KDM4C: variants seen among roughly 807,000 people sequenced by gnomAD.
The protein encoded by KDM4C is lysine-specific demethylase 4C.
A neutral mutation model predicts 129.3 loss-of-function variants in KDM4C; 81 were observed. That is an observed-to-expected ratio of 0.63 (90% CI 0.52 to 0.75). KDM4C has a LOEUF of 0.75. KDM4C is among the 30% of genes least tolerant of loss of function. KDM4C has a pLI of 0.00. For missense variants in KDM4C, 1,457 were observed against 1,304.0 expected, an observed-to-expected ratio of 1.12 and a Z score of -1.81; for synonymous variants, 573 against 456.1, an observed-to-expected ratio of 1.26 and a Z score of -3.26.
chr9:6,886,601 C>G (rs775438839), intron 6 of KDM4C, among the ~76,000 whole-genome samples: 36 of 151,156 alleles, frequency 2.4e-4, no homozygotes, highest in Admixed American at 3.3e-4. Flanking sequence ...AAGCAATTCT[C>G]CTGCCTCAGT....
intron 1 of KDM4C, among the ~76,000 whole-genome samples, chr9:6,781,147 C>G (rs183293715): frequency 6.6e-6 from 1 of 152,210 alleles, no homozygotes; most frequent in African/African-American, 2.4e-5. Context: ...CTGAATTTAC[C>G]CCTGTAGGCT....
chr9:7,031,578 T>TAA (rs531743088), intron 15 of KDM4C, among the ~76,000 whole-genome samples: 1 of 152,160 alleles, frequency 6.6e-6, no homozygotes, highest in East Asian at 1.9e-4. Flanking sequence ...GGAGTGATTT[T>TAA]AAAAAAAACT....
Position 6,980,961 on chromosome 9 carries a change from G to A in KDM4C, c.958G>A (p.Asp320Asn), listed in dbSNP as rs1160191774. Residue 320 changes from aspartate to asparagine, a missense_variant, in exon 9 of 22, where the codon GAT becomes AAT. By Grantham distance (23) the Asp-to-Asn change is conservative. Coordinates refer to ENST00000381309, the MANE Select transcript of KDM4C (RefSeq NM_015061.6). ...CRKDMVKISM[D>N]IFVRKFQPDR... ...GAAAGACATGGTGAAGATTTCAATG[G>A]ATATCTTTGTGAGGAAATTTCAGCC... The A allele has an allele frequency of 1.2e-6, 2 of 1,613,754 alleles. No homozygotes were observed. Among genetic ancestry groups the A allele is most frequent in the Non-Finnish European group, 1.7e-6 (2 of 1,179,774 alleles).
chr9:7,084,936 T>G (rs1390658777), intron 17 of KDM4C, among the ~76,000 whole-genome samples: 2 of 152,196 alleles, frequency 1.3e-5, no homozygotes, highest in Non-Finnish European at 2.9e-5. Flanking sequence ...TGTTGTGCCA[T>G]GAGAGTGCCC....
At chr9:6,771,183 C>G (rs372180925) in intron 1 of KDM4C, among the ~76,000 whole-genome samples, 1 of 149,728 alleles carries the variant, frequency 6.7e-6, no homozygotes, top group East Asian at 1.9e-4. Flanking sequence ...TTGCCTTGGC[C>G]TCCCCCCAAA....
intron 8 of KDM4C, among the ~76,000 whole-genome samples, chr9:6,948,873 T>C (rs1827498032): frequency 2.0e-5 from 3 of 152,284 alleles, no homozygotes; most frequent in Admixed American, 1.3e-4. Flanking sequence ...GAGTCTCCTA[T>C]GTCTACTTCT....
At chr9:6,770,930 C>T (rs1177960633) in intron 1 of KDM4C, among the ~76,000 whole-genome samples, 1 of 151,612 alleles carries the variant, frequency 6.6e-6, no homozygotes, top group Non-Finnish European at 1.5e-5. Flanking sequence ...TGCATGCCAC[C>T]ACTCCCAGCT....
chr9:6,883,966 G>A (rs142803473), intron 6 of KDM4C, among the ~76,000 whole-genome samples: 1 of 152,100 alleles, frequency 6.6e-6, no homozygotes, highest in African/African-American at 2.4e-5. Context: ...AGTTAAACTG[G>A]GTGGAAATTT....
chr9:6,826,177 GTT>G (rs763833835), intron 4 of KDM4C, among the ~76,000 whole-genome samples: 2 of 143,922 alleles, frequency 1.4e-5, no homozygotes, highest in Non-Finnish European at 1.5e-5. Context: ...CTGGGGAAAA[GTT>G]TTTTTTTTTT....
At chr9:6,927,103 CTATCTAT>C (rs1822746924) in intron 8 of KDM4C, among the ~76,000 whole-genome samples, 3 of 149,782 alleles carry the variant, frequency 2.0e-5, no homozygotes, top group Non-Finnish European at 4.4e-5. Flanking sequence ...ATCTATCTAT[CTATCTAT>C]CTATCTATCT....
chr9:7,036,908 C>T (rs1159912142), intron 15 of KDM4C, among the ~76,000 whole-genome samples: 5 of 152,164 alleles, frequency 3.3e-5, no homozygotes, highest in Non-Finnish European at 7.3e-5. Context: ...ACTTACTTGC[C>T]AGTACAGAAT....
chr9:7,004,129 A>G (rs1297948744), intron 12 of KDM4C, among the ~76,000 whole-genome samples: 3 of 152,216 alleles, frequency 2.0e-5, no homozygotes, highest in Admixed American at 2.0e-4. Flanking sequence ...TGGAGCTGAT[A>G]GCTTTTCTCA....
At chr9:7,016,276 C>T (rs543583524) in intron 15 of KDM4C, among the ~76,000 whole-genome samples, 20 of 151,912 alleles carry the variant, frequency 1.3e-4, no homozygotes, top group Admixed American at 7.2e-4. Context: ...TACAGGCACC[C>T]GCCACCACGC....
At chr9:7,150,017 C>T (rs1022805559) in intron 19 of KDM4C, among the ~76,000 whole-genome samples, 1 of 152,172 alleles carries the variant, frequency 6.6e-6, no homozygotes, top group African/African-American at 2.4e-5. Flanking sequence ...CGAGTGGGAT[C>T]ATTCCAGAAT....
At chr9:6,916,026 T>C (rs1820249254) in intron 8 of KDM4C, among the ~76,000 whole-genome samples, 1 of 152,174 alleles carries the variant, frequency 6.6e-6, no homozygotes, top group Admixed American at 6.5e-5. Flanking sequence ...TTGGACAGCT[T>C]TGTGAGAGAC....
At chr9:6,807,142 G>A (rs1300017247) in intron 3 of KDM4C, among the ~76,000 whole-genome samples, 1 of 151,898 alleles carries the variant, frequency 6.6e-6, no homozygotes, top group African/African-American at 2.4e-5. Context: ...CGCCAGCCTC[G>A]GCCTCCCGAG....
At chr9:6,782,549 C>T (rs947583863) in intron 1 of KDM4C, among the ~76,000 whole-genome samples, 3 of 152,040 alleles carry the variant, frequency 2.0e-5, no homozygotes, top group Middle Eastern at 3.2e-3. Context: ...AGAAGGTATT[C>T]GTAACGGCGT....
At chr9:7,051,452 G>T (rs760725420) in intron 17 of KDM4C, among the ~76,000 whole-genome samples, 2 of 152,128 alleles carry the variant, frequency 1.3e-5, no homozygotes, top group African/African-American at 4.8e-5. Context: ...GGAATGAAAC[G>T]CACCTTTCCA....
At chr9:6,742,701 A>C (rs1817742162) in intron 1 of KDM4C, among the ~76,000 whole-genome samples, 1 of 146,310 alleles carries the variant, frequency 6.8e-6, no homozygotes, top group Admixed American at 6.9e-5. Flanking sequence ...TTTTAGAAGG[A>C]GTCTCACTCA....
Sources: allele counts gnomAD v4.1 joint callset (sites outside exome capture counted in the v4.1 genomes callset), GRCh38; gene constraint gnomAD v4.1.1; transcripts MANE v1.5; gene names NCBI Gene and HGNC (gene_info 2026-07-23, HGNC 2026-07-21).